The following SGK3 variants were observed in gnomAD, a reference collection of about 807,000 sequenced individuals.
SGK3 encodes serum/glucocorticoid regulated kinase family member 3, also known as serine/threonine-protein kinase Sgk3.
In SGK3, 47 loss-of-function variants were observed where a neutral mutation model predicts 68.5. That is an observed-to-expected ratio of 0.69 (90% CI 0.54 to 0.87). SGK3 has a LOEUF of 0.87. SGK3 is among the 40% of genes least tolerant of loss of function. The probability of loss-of-function intolerance (pLI) is 0.00; values close to 1 mark genes in which losing one functional copy is unlikely to be tolerated. For missense variants in SGK3, 479 were observed against 575.5 expected, an observed-to-expected ratio of 0.83 and a Z score of 1.72; for synonymous variants, 181 against 189.1, an observed-to-expected ratio of 0.96 and a Z score of 0.35.
In SGK3 at chr8:66,826,690, G is replaced by A. The variant is rs140474140; in HGVS notation, c.418-1964G>A. Among the ~76,000 whole-genome samples, 6 of 150,234 alleles carry A rather than the reference G, an allele frequency of 4.0e-5. No homozygotes were observed. In the East Asian group the frequency reaches 1.2e-3, roughly 29 times the overall value. On this transcript the variant is annotated intron_variant, in intron 6 of 16. Transcript: ENST00000521198. ...GAGACAGTCTCATTTTGTCACCCAC[G>A]GTGGAATGCAGTGCCGCTATCTCAG...
chr8:66,723,244 G>A (rs553249981), intron 1 of SGK3, among the ~76,000 whole-genome samples: 7 of 146,922 alleles, frequency 4.8e-5, no homozygotes, highest in Admixed American at 6.9e-5. Context: ...TTGGGAGTTC[G>A]AGACCAGCCT....
At chr8:66,747,253 G>T (rs1647217560) in intron 1 of SGK3, among the ~76,000 whole-genome samples, 1 of 152,054 alleles carries the variant, frequency 6.6e-6, no homozygotes, top group Admixed American at 6.6e-5. Flanking sequence ...TTTTAAAATA[G>T]ACTTTTATTC....
chr8:66,847,468 A>G (rs1475942078), intron 15 of SGK3, 120 bp downstream of exon 15: 1 of 1,406,158 alleles, frequency 7.1e-7, no homozygotes, highest in Non-Finnish European at 9.5e-7. Context: ...AGCAACATGG[A>G]AAAAAAGCAT....
At chr8:66,744,523 T>G (rs866314015) in intron 1 of SGK3, among the ~76,000 whole-genome samples, 5 of 91,518 alleles carry the variant, frequency 5.5e-5, no homozygotes, top group African/African-American at 1.9e-4. Flanking sequence ...ATATATATTT[T>G]TTTTTTTTTT....
rs138160201 is a variant in SGK3 at position 66,791,167 on chromosome 8, A to G, written c.-121-2449A>G. 3.9e-3 allele frequency among the ~76,000 whole-genome samples: 594 copies of G among 152,316 alleles called. 6 individuals are homozygous for G. The highest frequency in any genetic ancestry group is 0.014 in the African/African-American group (565 of 41,558). ...GCTGCCTGCTAGGAACTGTGGGCTTAGGTAGATAAACCACTGATGTCAGAA... is the reference window on the plus strand; with the variant it reads ...GCTGCCTGCTAGGAACTGTGGGCTTGGGTAGATAAACCACTGATGTCAGAA... On this transcript the variant is annotated intron_variant, in intron 1 of 16. Coordinates refer to ENST00000521198, the MANE Select transcript of SGK3 (RefSeq NM_001033578.3).
intron 1 of SGK3, among the ~76,000 whole-genome samples, chr8:66,739,882 A>G (rs1009854646): frequency 1.1e-4 from 17 of 152,212 alleles, no homozygotes; most frequent in African/African-American, 3.9e-4. Flanking sequence ...ATCAGATCTC[A>G]TGAGAACTTA....
chr8:66,781,481 T>C (rs1438299916), intron 1 of SGK3, among the ~76,000 whole-genome samples: 5 of 151,842 alleles, frequency 3.3e-5, no homozygotes, highest in African/African-American at 1.2e-4. Context: ...CCCGAGTAGT[T>C]GAGATTAGAA....
At chr8:66,723,113 ATATATATATATATATATATTTT>A (rs1458270104) in intron 1 of SGK3, among the ~76,000 whole-genome samples, 3 of 49,082 alleles carry the variant, frequency 6.1e-5, no homozygotes, top group East Asian at 1.2e-3. Flanking sequence ...ATATATATAT[ATATATATATATATATATATTTT>A]TTTTTTTTTT....
chr8:66,839,941 A>C (rs749041452), intron 10 of SGK3, 62 bp from the exon 11 acceptor site: 257 of 1,422,510 alleles, frequency 1.8e-4, no homozygotes, highest in Non-Finnish European at 2.4e-4. Flanking sequence ...ATATTTGTTT[A>C]ATGCTATGTG....
chr8:66,760,337 T>A (rs986909450), intron 1 of SGK3, among the ~76,000 whole-genome samples: 1 of 130,232 alleles, frequency 7.7e-6, no homozygotes, highest in Non-Finnish European at 1.6e-5. Context: ...TTTCTTTTTT[T>A]TTTTTTTTTT....
At chr8:66,749,844 C>A (rs994509665) in intron 1 of SGK3, among the ~76,000 whole-genome samples, 6 of 151,470 alleles carry the variant, frequency 4.0e-5, no homozygotes, top group African/African-American at 1.5e-4. Flanking sequence ...ATAATAATGG[C>A]CAAATTATAT....
intron 4 of SGK3, among the ~76,000 whole-genome samples, chr8:66,809,577 G>C (rs1808298812): frequency 1.3e-5 from 2 of 151,934 alleles, no homozygotes; most frequent in African/African-American, 2.4e-5. Flanking sequence ...TGCTGTAGAG[G>C]TTACGAGAGT....
chr8:66,758,317 G>A (rs1191356882), intron 1 of SGK3, among the ~76,000 whole-genome samples: 1 of 152,084 alleles, frequency 6.6e-6, no homozygotes, highest in Non-Finnish European at 1.5e-5. Context: ...TCGCGCCATT[G>A]CACTGCAGCC....
intron 1 of SGK3, among the ~76,000 whole-genome samples, chr8:66,771,004 A>G (rs1219456515): frequency 1.3e-5 from 2 of 152,160 alleles, no homozygotes; most frequent in East Asian, 3.9e-4. Flanking sequence ...GATACCCAGT[A>G]TCTTGAAAAC....
In SGK3 at chr8:66,780,695, G is replaced by A. The variant is rs563325676; in HGVS notation, c.-121-12921G>A. Among the ~76,000 whole-genome samples, 10 of 152,300 alleles carry A rather than the reference G, an allele frequency of 6.6e-5. No individual in the cohort carries two copies. In the South Asian group the frequency reaches 2.1e-3, roughly 32 times the overall value. ...CGAGAGGCCCTGGTGGGTGCAGCTG[G>A]AGAGTTATGCAGAATAACATTAGGC... On this transcript the variant is annotated intron_variant, in intron 1 of 16. Coordinates refer to ENST00000521198, the MANE Select transcript of SGK3 (RefSeq NM_001033578.3).
intron 1 of SGK3, among the ~76,000 whole-genome samples, chr8:66,765,954 G>A (rs1806303432): frequency 6.6e-6 from 1 of 151,792 alleles, no homozygotes; most frequent in Admixed American, 6.6e-5. Flanking sequence ...GAACCTGGGA[G>A]GCAGAGCTTT....
intron 1 of SGK3, among the ~76,000 whole-genome samples, chr8:66,720,783 A>G (rs914026903): frequency 6.7e-6 from 1 of 150,170 alleles, no homozygotes; most frequent in Non-Finnish European, 1.5e-5. Flanking sequence ...AAAAAAAATT[A>G]TATATATATA....
intron 1 of SGK3, among the ~76,000 whole-genome samples, chr8:66,767,068 C>A (rs1806341503): frequency 6.6e-6 from 1 of 152,194 alleles, no homozygotes; most frequent in African/African-American, 2.4e-5. Flanking sequence ...TGGTCTCAAA[C>A]TCCCGACCTC....
Position 66,744,503 on chromosome 8 carries a change from A to G in SGK3, c.-122+31670A>G, listed in dbSNP as rs1407566399. Among the ~76,000 whole-genome samples, 11 of 21,450 alleles carry G rather than the reference A, an allele frequency of 5.1e-4. 1 individual carries two copies. The highest frequency in any genetic ancestry group is 7.6e-4 in the Non-Finnish European group (9 of 11,872). 14.1% of individuals were successfully genotyped at this position (21,450 alleles called of 152,430 possible). ...TGTGTGTATATATATATATATATAT[A>G]TATATATATATATATATTTTTTTTT... On this transcript the variant is annotated intron_variant, in intron 1 of 16. Transcript: ENST00000521198.
Sources: gnomAD v4.1 joint callset for allele counts (sites outside exome capture counted in the v4.1 genomes callset) on GRCh38, gnomAD v4.1.1 for gene constraint, MANE v1.5 for transcripts, NCBI Gene and HGNC (gene_info 2026-07-23, HGNC 2026-07-21) for gene names.